CBFA2T2: variants seen among roughly 807,000 people sequenced by gnomAD.
CBFA2T2 encodes protein CBFA2T2.
A neutral mutation model predicts 62.2 loss-of-function variants in CBFA2T2; 11 were observed. The observed-to-expected ratio is 0.18, with a 90% CI of 0.11 to 0.29. The LOEUF (loss-of-function observed/expected upper bound fraction) is 0.29, where lower values mean the gene tolerates loss of function less well. Among genes scored for constraint, CBFA2T2 ranks in the 10% least tolerant of loss-of-function variants. The pLI, the probability that CBFA2T2 is intolerant of heterozygous loss-of-function variation, is 1.00. For missense variants in CBFA2T2, 592 were observed against 774.1 expected, an observed-to-expected ratio of 0.76 and a Z score of 2.79; for synonymous variants, 295 against 287.5, an observed-to-expected ratio of 1.03 and a Z score of -0.27.
At chr20:33,564,110 T>C (rs1021386491) in intron 1 of CBFA2T2, among the ~76,000 whole-genome samples, 4 of 152,180 alleles carry the variant, frequency 2.6e-5, no homozygotes, top group Non-Finnish European at 4.4e-5. Context: ...ATTTCTCAAA[T>C]AGAAACTTTA....
chr20:33,640,945 G>A (rs1017421855), intron 10 of CBFA2T2, among the ~76,000 whole-genome samples: 11 of 152,122 alleles, frequency 7.2e-5, no homozygotes, highest in South Asian at 2.1e-4. Flanking sequence ...TGCAGATGAG[G>A]AGACTGTGGC....
intron 1 of CBFA2T2, among the ~76,000 whole-genome samples, chr20:33,512,729 T>C (rs2011531441): frequency 6.6e-6 from 1 of 151,692 alleles, no homozygotes; most frequent in Non-Finnish European, 1.5e-5. Flanking sequence ...CTTCTGTGTA[T>C]GTGGGTGCAC....
chr20:33,633,745 G>A (rs1016458506), intron 8 of CBFA2T2, among the ~76,000 whole-genome samples: 2 of 152,148 alleles, frequency 1.3e-5, no homozygotes, highest in African/African-American at 2.4e-5. Flanking sequence ...TTCTAACTAC[G>A]TCTATTCTTG....
intron 3 of CBFA2T2, among the ~76,000 whole-genome samples, chr20:33,615,207 A>ATC (rs1375164701): frequency 6.6e-6 from 1 of 152,208 alleles, no homozygotes; most frequent in Non-Finnish European, 1.5e-5. Flanking sequence ...GGAGTTATCC[A>ATC]TCTGCATTCT....
At chr20:33,562,031 T>C (rs1304742202) in intron 1 of CBFA2T2, among the ~76,000 whole-genome samples, 1 of 152,208 alleles carries the variant, frequency 6.6e-6, no homozygotes, top group Non-Finnish European at 1.5e-5. Context: ...ATTTAAAAAC[T>C]GGCTCAAAAA....
At chr20:33,571,616 AT>A (rs1225480735) in intron 1 of CBFA2T2, among the ~76,000 whole-genome samples, 1 of 152,122 alleles carries the variant, frequency 6.6e-6, no homozygotes, top group African/African-American at 2.4e-5. Context: ...AAAGCTATTA[AT>A]TTCGATTTAC....
intron 1 of CBFA2T2, among the ~76,000 whole-genome samples, chr20:33,515,734 G>A (rs1047598981): frequency 7.5e-6 from 1 of 133,678 alleles, no homozygotes; most frequent in Non-Finnish European, 1.5e-5. Flanking sequence ...TCGGGAGGCA[G>A]AGGTTGCAGT....
intron 4 of CBFA2T2, among the ~76,000 whole-genome samples, chr20:33,621,287 CTTTTTTTTTTTT>C (rs199805350): frequency 1.2e-5 from 1 of 85,296 alleles, no homozygotes; most frequent in East Asian, 4.1e-4. Context: ...ATTTTACTGC[CTTTTTTTTTTTT>C]TTTTTTTTTT....
chr20:33,621,802 T>C (rs965664069), intron 4 of CBFA2T2, among the ~76,000 whole-genome samples: 197 of 152,314 alleles, frequency 1.3e-3, no homozygotes, highest in African/African-American at 4.6e-3. Flanking sequence ...AATGCATCGG[T>C]CTAAGGTGCA....
chr20:33,633,005 C>T (rs968121102), intron 8 of CBFA2T2, among the ~76,000 whole-genome samples: 3 of 151,940 alleles, frequency 2.0e-5, no homozygotes, highest in African/African-American at 7.3e-5. Context: ...GTAATCTGCC[C>T]GCCTTGGCCT....
At chr20:33,498,524 A>G (rs994212366) in intron 1 of CBFA2T2, among the ~76,000 whole-genome samples, 3 of 151,360 alleles carry the variant, frequency 2.0e-5, no homozygotes, top group African/African-American at 7.3e-5. Flanking sequence ...AAGTGCTGGG[A>G]TTATAGGCGT....
chr20:33,615,262 A>G (rs1264720657), intron 3 of CBFA2T2, among the ~76,000 whole-genome samples: 2 of 152,238 alleles, frequency 1.3e-5, no homozygotes, highest in East Asian at 1.9e-4. Flanking sequence ...GTCCCTAACT[A>G]TACCAGAAAG....
intron 1 of CBFA2T2, among the ~76,000 whole-genome samples, chr20:33,562,900 A>G (rs1032579094): frequency 2.0e-5 from 3 of 152,228 alleles, no homozygotes; most frequent in African/African-American, 7.2e-5. Flanking sequence ...TGCAAGGTTT[A>G]CTTAATAATT....
Position 33,492,927 on chromosome 20 carries a change from TTTTTTTGTA to T in CBFA2T2, c.34+2636_34+2644del, listed in dbSNP as rs1260234463. ...TGCTCACCACCATGCCTGGCTAATT[TTTTTTTGTA>T]TTTTTTGTAGAGACGGGGTTTAACC... On this transcript the variant is annotated intron_variant, in intron 1 of 10. Coordinates refer to ENST00000342704, the MANE Select transcript of CBFA2T2 (RefSeq NM_001032999.3). Among the ~76,000 whole-genome samples, 4 of 151,836 alleles carry T rather than the reference TTTTTTTGTA, an allele frequency of 2.6e-5. No homozygotes were observed. In the South Asian group the frequency reaches 8.3e-4, roughly 32 times the overall value.
chr20:33,516,913 G>T (rs2011608968), intron 1 of CBFA2T2, among the ~76,000 whole-genome samples: 1 of 152,178 alleles, frequency 6.6e-6, no homozygotes, highest in Non-Finnish European at 1.5e-5. Flanking sequence ...TGTTTTAAGT[G>T]CCTTGGAACA....
intron 1 of CBFA2T2, among the ~76,000 whole-genome samples, chr20:33,565,219 C>G (rs1485075339): frequency 6.6e-6 from 1 of 152,090 alleles, no homozygotes. Flanking sequence ...GCGCCCGGCT[C>G]CAAGTTTTCT....
chr20:33,534,124 G>A (rs564826642), intron 1 of CBFA2T2, among the ~76,000 whole-genome samples: 22 of 152,220 alleles, frequency 1.4e-4, no homozygotes, highest in African/African-American at 4.6e-4. Flanking sequence ...TTAAACCACT[G>A]TGCCCAGACT....
chr20:33,591,976 A>G (rs1221037982), intron 1 of CBFA2T2, among the ~76,000 whole-genome samples: 4 of 151,938 alleles, frequency 2.6e-5, no homozygotes, highest in African/African-American at 9.7e-5. Context: ...TTGGTCCAAC[A>G]TGTTGCTTCT....
intron 5 of CBFA2T2, among the ~76,000 whole-genome samples, chr20:33,624,236 TAAAAAAAAAA>T (rs373462820): frequency 1.4e-5 from 1 of 70,032 alleles, no homozygotes; most frequent in African/African-American, 4.4e-5. Context: ...TTTTTAAAAG[TAAAAAAAAAA>T]AAAAAAAAAG....
Sources: gnomAD v4.1 joint callset for allele counts (sites outside exome capture counted in the v4.1 genomes callset) on GRCh38, gnomAD v4.1.1 for gene constraint, MANE v1.5 for transcripts, NCBI Gene and HGNC (gene_info 2026-07-23, HGNC 2026-07-21) for gene names.